GPM6B: variants seen among roughly 807,000 people sequenced by gnomAD.
The protein encoded by GPM6B is neuronal membrane glycoprotein M6-b.
In GPM6B, 4 loss-of-function variants were observed where a neutral mutation model predicts 27.2. The observed-to-expected ratio is 0.15, with a 90% CI of 0.07 to 0.34. The LOEUF is 0.34. Among genes scored for constraint, GPM6B ranks in the 10% least tolerant of loss-of-function variants. GPM6B has a pLI of 1.00. For synonymous variants in GPM6B, 124 were observed against 103.1 expected, an observed-to-expected ratio of 1.20 and a Z score of -1.23; for missense variants, 183 against 261.9, an observed-to-expected ratio of 0.70 and a Z score of 2.08.
upstream of GPM6B, among the ~76,000 whole-genome samples, chrX:13,820,266 G>A (rs2049293137): frequency 9.0e-6 from 1 of 111,423 alleles, no homozygotes; most frequent in Non-Finnish European, 1.9e-5. Flanking sequence ...GCACGGGGAG[G>A]AAGTGAGGAC....
rs149952936 is a variant in GPM6B at position 13,863,694 on chromosome X, G to A, written c.-198+74633C>T. Among the ~76,000 whole-genome samples, 86 of 112,067 alleles carry A rather than the reference G, an allele frequency of 7.7e-4. 1 individual carries two copies. Among genetic ancestry groups the A allele is most frequent in the Non-Finnish European group, 1.2e-3 (65 of 53,219 alleles). On this transcript the variant is annotated intron_variant, in intron 1 of 6. Transcript: ENST00000398361. ...AGAGCCGAGAGATTATTTTAACCAT[G>A]ATCTCCTAATGGGAAATTCACTCAC... is the stretch of plus-strand genomic sequence containing the variant.
At chrX:13,834,711 C>G (rs1467053204) in intron 1 of GPM6B, among the ~76,000 whole-genome samples, 1 of 111,687 alleles carries the variant, frequency 9.0e-6, no homozygotes, top group African/African-American at 3.3e-5. Context: ...CACCCACTCA[C>G]AGGGGAGAAC....
intron 1 of GPM6B, among the ~76,000 whole-genome samples, chrX:13,916,663 ATGTGTGTG>A (rs55844856): frequency 0.16 from 13,980 of 89,999 alleles, 847 homozygotes; most frequent in South Asian, 0.2. Flanking sequence ...TAGTTTATTA[ATGTGTGTG>A]TGTGTGTGTG....
At chrX:13,926,860 A>C (rs1921240326) in intron 1 of GPM6B, among the ~76,000 whole-genome samples, 1 of 112,085 alleles carries the variant, frequency 8.9e-6, no homozygotes, top group South Asian at 3.7e-4. Flanking sequence ...GATAGAAACA[A>C]TTTTAAAACA....
At chrX:13,844,986 C>CTTT (rs200629548) in intron 1 of GPM6B, among the ~76,000 whole-genome samples, 3 of 98,223 alleles carry the variant, frequency 3.1e-5, no homozygotes, top group East Asian at 7.6e-4. Context: ...AACGTTTTTT[C>CTTT]TTTTTCTTTT....
chrX:13,930,538 C>T (rs977621274), intron 1 of GPM6B, among the ~76,000 whole-genome samples: 4 of 110,274 alleles, frequency 3.6e-5, no homozygotes, highest in Non-Finnish European at 5.7e-5. Flanking sequence ...GGCGTGAGCC[C>T]GGGAGGTGAA....
At chrX:13,780,131 G>T in intron 4 of GPM6B, 142 bp from the exon 5 acceptor site, 1 of 436,927 alleles carries the variant, frequency 2.3e-6, no homozygotes, top group African/African-American at 2.4e-5. Context: ...TTGGTAGCAA[G>T]AAGGAAAAGC....
chrX:13,786,091 G>A (rs2048607502), intron 2 of GPM6B, among the ~76,000 whole-genome samples: 1 of 112,629 alleles, frequency 8.9e-6, no homozygotes, highest in African/African-American at 3.2e-5. Context: ...GAGTTATAAG[G>A]TAGTTACAGT....
At chrX:13,856,404 G>C (rs903395407) in intron 1 of GPM6B, among the ~76,000 whole-genome samples, 1 of 111,855 alleles carries the variant, frequency 8.9e-6, no homozygotes, top group Admixed American at 9.5e-5. Flanking sequence ...CAGCATCTGG[G>C]ATCTCAAGAC....
chrX:13,924,802 T>C (rs1208144801), intron 1 of GPM6B, among the ~76,000 whole-genome samples: 1 of 111,784 alleles, frequency 8.9e-6, no homozygotes, highest in African/African-American at 3.3e-5. Flanking sequence ...CCAGGACTCA[T>C]GGGCTCCCTG....
intron 1 of GPM6B, among the ~76,000 whole-genome samples, chrX:13,837,780 G>A (rs2049522203): frequency 1.2e-5 from 1 of 81,261 alleles, no homozygotes; most frequent in African/African-American, 3.9e-5. Context: ...GAAAATTCAT[G>A]GATTTGCTTC....
chrX:13,790,541 C>A (rs1213804665), intron 2 of GPM6B, among the ~76,000 whole-genome samples: 1 of 111,556 alleles, frequency 9.0e-6, no homozygotes, highest in African/African-American at 3.3e-5. Context: ...TCTTCCCGGT[C>A]TCAGGTGTGG....
intron 1 of GPM6B, among the ~76,000 whole-genome samples, chrX:13,838,047 C>G (rs2049525848): frequency 9.2e-6 from 1 of 108,881 alleles, no homozygotes; most frequent in Non-Finnish European, 1.9e-5. Flanking sequence ...ACTGTAAATA[C>G]TTAGTAAGGG....
At chrX:13,883,588 C>T (rs1304735960) in intron 1 of GPM6B, among the ~76,000 whole-genome samples, 1 of 81,250 alleles carries the variant, frequency 1.2e-5, no homozygotes, top group African/African-American at 4.6e-5. Flanking sequence ...GGCACAGTGG[C>T]ATACAAGCCT....
intron 3 of GPM6B, 70 bp from the exon 4 acceptor site, chrX:13,783,591 G>A (rs1188703165): frequency 1.1e-6 from 1 of 898,238 alleles, no homozygotes; most frequent in Non-Finnish European, 1.6e-6. Flanking sequence ...TCTGGACGCT[G>A]GAGAGAGGAC....
chrX:13,885,069 T>C (rs1249379282), intron 1 of GPM6B, among the ~76,000 whole-genome samples: 1 of 112,059 alleles, frequency 8.9e-6, no homozygotes, highest in Non-Finnish European at 1.9e-5. Context: ...AGTAATTTCT[T>C]AGTACAGGAA....
intron 2 of GPM6B, among the ~76,000 whole-genome samples, chrX:13,787,370 C>T (rs1295959276): frequency 9.0e-6 from 1 of 111,596 alleles, no homozygotes; most frequent in Non-Finnish European, 1.9e-5. Context: ...TCCTGGCTAA[C>T]ACAGTAAAAC....
At chrX:13,893,384 G>C (rs1402813093) in intron 1 of GPM6B, among the ~76,000 whole-genome samples, 1 of 100,921 alleles carries the variant, frequency 9.9e-6, no homozygotes, top group African/African-American at 3.8e-5. Flanking sequence ...ACAAGCACGA[G>C]ACGGTGTGGT....
intron 1 of GPM6B, among the ~76,000 whole-genome samples, chrX:13,923,232 G>A (rs1276751996): frequency 1.8e-5 from 2 of 110,811 alleles, no homozygotes; most frequent in African/African-American, 6.6e-5. Flanking sequence ...GGGGGATACT[G>A]CTGCCCAGGG....
Sources: allele counts gnomAD v4.1 joint callset (sites outside exome capture counted in the v4.1 genomes callset), GRCh38; gene constraint gnomAD v4.1.1; transcripts MANE v1.5; gene names NCBI Gene and HGNC (gene_info 2026-07-23, HGNC 2026-07-21).